Variants in OR3A2 observed in about 807,000 individuals in gnomAD.
The protein encoded by OR3A2 is olfactory receptor family 3 subfamily A member 2.
For synonymous variants in OR3A2, 126 were observed against 159.3 expected (o/e 0.79, Z 1.57); for missense variants, 318 against 392.8 (o/e 0.81, Z 1.61).
intron 2 of OR3A2, among the ~76,000 whole-genome samples, chr17:3,349,944 A>C (rs1345890068): frequency 6.6e-6 from 1 of 151,530 alleles, no homozygotes; most frequent in Non-Finnish European, 1.5e-5. Flanking sequence ...TGGGTACATA[A>C]TGAAATGAAG....
rs2049464288 is a variant in OR3A2 at position 3,356,132 on chromosome 17, C to T, written c.-178-20006G>A. 2.6e-5 allele frequency among the ~76,000 whole-genome samples: 4 copies of T among 151,392 alleles called. No homozygotes were observed. In the South Asian group the frequency reaches 8.3e-4, roughly 31 times the overall value. ...AAAGAAATAACTAATAAAAATTCTA[C>T]ACCTAAACTTCATCCCCCACTTTGT... On this transcript the variant is annotated intron_variant, in intron 2 of 4. Coordinates refer to the OR3A2 transcript ENST00000573491.
intron 2 of OR3A2, among the ~76,000 whole-genome samples, chr17:3,352,946 T>C (rs1179516224): frequency 1.3e-5 from 2 of 151,862 alleles, no homozygotes; most frequent in Admixed American, 1.3e-4. Flanking sequence ...CAGTTTTTCA[T>C]TGTAGAGATC....
At chr17:3,355,930 CAAGATT>C (rs1290460107) in intron 2 of OR3A2, among the ~76,000 whole-genome samples, 1 of 150,858 alleles carries the variant, frequency 6.6e-6, no homozygotes, top group Non-Finnish European at 1.5e-5. Flanking sequence ...TGTTTTTAGT[CAAGATT>C]ATTTGCTCTG....
chr17:3,297,250 A>G (rs73977631), intron 3 of OR3A2, among the ~76,000 whole-genome samples: 2,140 of 152,326 alleles, frequency 0.014, 35 homozygotes, highest in African/African-American at 0.048. Flanking sequence ...CATCGACTTA[A>G]AAATCATTCA....
intron 2 of OR3A2, among the ~76,000 whole-genome samples, chr17:3,359,311 CATT>C (rs1407205015): frequency 2.0e-5 from 3 of 151,668 alleles, no homozygotes; most frequent in African/African-American, 7.3e-5. Context: ...TTGATCCTGT[CATT>C]GTGCTGTTAG....
chr17:3,355,734 C>T (rs1412860669), intron 2 of OR3A2, among the ~76,000 whole-genome samples: 2 of 151,374 alleles, frequency 1.3e-5, no homozygotes. Flanking sequence ...TTACTGTAAG[C>T]AAGAGATCAC....
At chr17:3,347,460 G>C (rs192565410) in intron 2 of OR3A2, among the ~76,000 whole-genome samples, 11 of 152,108 alleles carry the variant, frequency 7.2e-5, no homozygotes, top group African/African-American at 2.4e-4. Flanking sequence ...TGTTCTCATA[G>C]TTCAATTCCC....
rs943091090 is a variant in OR3A2 at position 3,347,121 on chromosome 17, C to T, written c.-178-10995G>A. On this transcript the variant is annotated intron_variant, in intron 2 of 4. Transcript: ENST00000573491. ...TTTATTGAGGAACCTCCAAGCTGTT[C>T]TCCATAGTGGCTGTACTAATTTACA... Among the ~76,000 whole-genome samples the T allele has an allele frequency of 1.2e-4, 19 of 152,126 alleles. No individual in the cohort carries two copies. In the South Asian group the frequency reaches 3.9e-3, roughly 32 times the overall value.
At chr17:3,380,475 C>T (rs530593015) in intron 2 of OR3A2, among the ~76,000 whole-genome samples, 3 of 152,250 alleles carry the variant, frequency 2.0e-5, no homozygotes, top group East Asian at 3.9e-4. Flanking sequence ...TTGCCAGCTG[C>T]CTGATACCAG....
intron 2 of OR3A2, among the ~76,000 whole-genome samples, chr17:3,362,129 C>A (rs914767625): frequency 6.6e-6 from 1 of 151,574 alleles, no homozygotes; most frequent in Non-Finnish European, 1.5e-5. Flanking sequence ...TCAACTTCTT[C>A]CTGGTTTAGT....
intron 1 of OR3A2, 74 bp downstream of exon 3, chr17:3,284,284 T>G (rs1029366173): frequency 2.6e-5 from 4 of 151,678 alleles, no homozygotes; most frequent in Admixed American, 2.6e-4. Context: ...CGCACCAGGC[T>G]TACTAAGCTG....
At chr17:3,278,040 T>C in exon 2 of OR3A2, 3 of 1,611,508 alleles carry the variant, frequency 1.9e-6, no homozygotes, top group South Asian at 1.1e-5. Context: ...TCTGAGGCTG[T>C]AGATAAGAGG....
At chr17:3,346,952 G>T (rs2049369536) in intron 2 of OR3A2, among the ~76,000 whole-genome samples, 1 of 152,144 alleles carries the variant, frequency 6.6e-6, no homozygotes, top group Non-Finnish European at 1.5e-5. Context: ...TGGACACTTA[G>T]GTTGCCTCCC....
At chr17:3,354,057 A>C (rs1209586630) in intron 2 of OR3A2, among the ~76,000 whole-genome samples, 1 of 151,618 alleles carries the variant, frequency 6.6e-6, no homozygotes, top group Non-Finnish European at 1.5e-5. Flanking sequence ...AATTTTTTTA[A>C]ATGTATTGTT....
At chr17:3,375,230 CTTTTTTTT>C (rs557025875) in intron 2 of OR3A2, among the ~76,000 whole-genome samples, 1 of 9,354 alleles carries the variant, frequency 1.1e-4, no homozygotes, top group Non-Finnish European at 1.7e-4. Flanking sequence ...TTTTTTTTTT[CTTTTTTTT>C]TTTTTTTCCC....
intron 2 of OR3A2, among the ~76,000 whole-genome samples, chr17:3,368,056 A>G (rs943131035): frequency 2.6e-5 from 4 of 152,122 alleles, no homozygotes; most frequent in African/African-American, 7.2e-5. Flanking sequence ...TTGTCTATTC[A>G]TGCCCTTAAC....
At chr17:3,358,200 A>T (rs2049479074) in intron 2 of OR3A2, among the ~76,000 whole-genome samples, 1 of 151,750 alleles carries the variant, frequency 6.6e-6, no homozygotes, top group African/African-American at 2.4e-5. Flanking sequence ...AAAATCCCAG[A>T]CCTAGAAGGT....
chr17:3,358,056 G>C (rs761735609), intron 2 of OR3A2, among the ~76,000 whole-genome samples: 1 of 151,578 alleles, frequency 6.6e-6, no homozygotes, highest in Non-Finnish European at 1.5e-5. Flanking sequence ...ACGAGGTCTC[G>C]AAGAGGCTGA....
intron 3 of OR3A2, among the ~76,000 whole-genome samples, chr17:3,315,414 T>C (rs533451612): frequency 2.0e-5 from 3 of 152,212 alleles, no homozygotes; most frequent in Non-Finnish European, 2.9e-5. Flanking sequence ...ATTGTGATTT[T>C]GATTTGCATT....
Sources: gnomAD v4.1 joint callset for allele counts (sites outside exome capture counted in the v4.1 genomes callset) on GRCh38, gnomAD v4.1.1 for gene constraint, MANE v1.5 for transcripts, NCBI Gene and HGNC (gene_info 2026-07-23, HGNC 2026-07-21) for gene names.